Variants in SHANK2 observed in about 807,000 individuals in gnomAD.
SHANK2 encodes the protein SH3 and multiple ankyrin repeat domains 2.
A neutral mutation model predicts 133.7 loss-of-function variants in SHANK2; 43 were observed. The ratio of observed to expected loss-of-function variants is 0.32; its 90% confidence interval spans 0.25 to 0.41. The LOEUF (loss-of-function observed/expected upper bound fraction) is 0.41, where lower values mean the gene tolerates loss of function less well. Ranked by LOEUF, SHANK2 falls within the 10% of genes least tolerant of loss-of-function variation. SHANK2 has a pLI of 1.00. For missense variants in SHANK2, 1,994 were observed against 2,235.8 expected (o/e 0.89, Z 2.18); for synonymous variants, 1,017 against 952.8 (o/e 1.07, Z -1.24).
intron 11 of SHANK2, among the ~76,000 whole-genome samples, chr11:70,829,662 C>T (rs1948698362): frequency 6.6e-6 from 1 of 152,150 alleles, no homozygotes; most frequent in Admixed American, 6.5e-5. Flanking sequence ...TTGAGGAATC[C>T]AGGGAACACC....
intron 17 of SHANK2, among the ~76,000 whole-genome samples, chr11:70,612,408 G>A (rs1554994531): frequency 6.6e-6 from 1 of 152,184 alleles, no homozygotes; most frequent in Admixed American, 6.5e-5. Context: ...GCGAAGGCAT[G>A]AAAGGTTGGG....
chr11:71,144,101 G>A (rs111263938), intron 3 of SHANK2, among the ~76,000 whole-genome samples: 1,631 of 152,322 alleles, frequency 0.011, 31 homozygotes, highest in African/African-American at 0.037. Context: ...AAGAGAGACA[G>A]AGTGGCTCCG....
intron 9 of SHANK2, among the ~76,000 whole-genome samples, chr11:71,070,931 A>C (rs1191052341): frequency 1.3e-5 from 2 of 152,242 alleles, no homozygotes; most frequent in Non-Finnish European, 2.9e-5. Flanking sequence ...CAGCTGAGGC[A>C]TAGGACAGAT....
intron 17 of SHANK2, among the ~76,000 whole-genome samples, chr11:70,609,264 T>C (rs1288313353): frequency 1.3e-5 from 2 of 152,130 alleles, no homozygotes; most frequent in African/African-American, 2.4e-5. Context: ...TGACGGCAGA[T>C]GGTTTCAAAG....
chr11:70,717,414 C>T (rs1945961083), intron 14 of SHANK2, among the ~76,000 whole-genome samples: 1 of 152,224 alleles, frequency 6.6e-6, no homozygotes, highest in African/African-American at 2.4e-5. Flanking sequence ...AAGCCTGTTT[C>T]CTCCCGAATG....
chr11:71,182,701 G>T (rs1953583552), intron 2 of SHANK2, among the ~76,000 whole-genome samples: 1 of 152,122 alleles, frequency 6.6e-6, no homozygotes, highest in African/African-American at 2.4e-5. Context: ...TCCAAAGAAG[G>T]TCTCATTCTC....
At chr11:70,650,583 T>C (rs2061328089) in intron 17 of SHANK2, among the ~76,000 whole-genome samples, 1 of 152,184 alleles carries the variant, frequency 6.6e-6, no homozygotes, top group African/African-American at 2.4e-5. Context: ...TTGTACCTAC[T>C]TCACTAACAA....
chr11:70,634,361 AG>A (rs2061042839), intron 17 of SHANK2: 1 of 152,248 alleles, frequency 6.6e-6, no homozygotes, highest in Admixed American at 6.5e-5. Flanking sequence ...TGGTAACAAA[AG>A]CACAGCCAAT....
chr11:71,139,939 G>A lies in SHANK2; in HGVS notation c.207+7181C>T, dbSNP rs186441744. On this transcript the variant is annotated intron_variant, in intron 3 of 25. Transcript: ENST00000601538. ...TGGGCCCGGACAGCAGCGGAGGAGG[G>A]GTGGCATTGGGGGAGAAAAGGGGCC... Among the ~76,000 whole-genome samples, 13 of 152,314 alleles carry A rather than the reference G, an allele frequency of 8.5e-5. 1 individual carries two copies. Among genetic ancestry groups the A allele is most frequent in the Admixed American group, 7.2e-4 (11 of 15,302 alleles).
At position 70,889,890 on chromosome 11, in the gene SHANK2, G is replaced by A. The variant is rs142115527; in HGVS notation, c.1174+6611C>T. Among the ~76,000 whole-genome samples the A allele has an allele frequency of 7.9e-4, 120 of 152,296 alleles. 1 individual carries two copies. The highest frequency in any genetic ancestry group is 3.5e-3 in the East Asian group (18 of 5,186). On this transcript the variant is annotated intron_variant, in intron 11 of 25. Coordinates refer to ENST00000601538, the MANE Select transcript of SHANK2 (RefSeq NM_012309.5). ...TGGAGAGAGAGCAGAGGAGGCAGAC[G>A]CAGCTGGAAGACTGGGGCCAGGACA...
At chr11:70,636,456 CGT>C (rs1171133200) in intron 17 of SHANK2, among the ~76,000 whole-genome samples, 7 of 149,150 alleles carry the variant, frequency 4.7e-5, no homozygotes, top group African/African-American at 1.7e-4. Flanking sequence ...TGTGTGAGCA[CGT>C]GTGAGCATCT....
chr11:70,882,358 G>A lies in SHANK2; in HGVS notation c.1174+14143C>T, dbSNP rs1949671928. 6.6e-6 allele frequency among the ~76,000 whole-genome samples: 1 copy of A among 152,228 alleles called. No homozygotes were observed. The highest frequency in any genetic ancestry group is 1.5e-5 in the Non-Finnish European group (1 of 68,042). ...GCAGAAAGGCCCCTGGGCTGTGCCT[G>A]TAGCTAGGAGCTGGGAACCAGTTCT... On this transcript the variant is annotated intron_variant, in intron 11 of 25. Coordinates refer to ENST00000601538, the MANE Select transcript of SHANK2 (RefSeq NM_012309.5). The surrounding 1 kb of genome is among the most constrained non-coding windows in gnomAD (Gnocchi z 4.2).
intron 17 of SHANK2, among the ~76,000 whole-genome samples, chr11:70,565,499 G>T (rs1394967951): frequency 6.6e-6 from 1 of 152,164 alleles, no homozygotes; most frequent in Non-Finnish European, 1.5e-5. Context: ...ACCCACCTCG[G>T]CCTCCGAAAG....
At chr11:70,655,516 G>C (rs2061395352) in intron 17 of SHANK2, among the ~76,000 whole-genome samples, 1 of 152,246 alleles carries the variant, frequency 6.6e-6, no homozygotes, top group Non-Finnish European at 1.5e-5. Context: ...TGCAGGGCTT[G>C]TAGGGTTTGG....
chr11:70,534,065 C>T (rs937214223), intron 17 of SHANK2, among the ~76,000 whole-genome samples: 1 of 152,214 alleles, frequency 6.6e-6, no homozygotes, highest in Non-Finnish European at 1.5e-5. Context: ...GAGTAAAGGC[C>T]AGTATCTGCT....
chr11:71,147,098 AAGGG>A lies in SHANK2; in HGVS notation c.207+18_207+21del. 1 of 1,534,996 alleles carries A rather than the reference AAGGG, an allele frequency of 6.5e-7. No homozygotes were observed. The highest frequency in any genetic ancestry group is 1.2e-5 in the South Asian group (1 of 82,786). On this transcript the variant is annotated intron_variant, in intron 3 of 25. Transcript: ENST00000601538. ...GGTGACATTGTCCAGATGTGAACCA[AAGGG>A]CAGACCACGGGGCTCACCGTCTGCT...
At chr11:70,726,392 T>C (rs902782926) in intron 14 of SHANK2, among the ~76,000 whole-genome samples, 1 of 139,606 alleles carries the variant, frequency 7.2e-6, no homozygotes. Flanking sequence ...CAATGCCTTA[T>C]GGAGCTCACA....
rs1555034259 is a variant in SHANK2, at chr11:70,739,366, A to G, written c.1778-40603T>C. 6.6e-6 allele frequency among the ~76,000 whole-genome samples: 1 copy of G among 152,204 alleles called. No individual in the cohort carries two copies. Among genetic ancestry groups the G allele is most frequent in the Non-Finnish European group, 1.5e-5 (1 of 68,020 alleles). ...GAAGGGAGGAGGCCAGGAGGTGGAC[A>G]ATGAAGACAATCGTGTGGAGCAGCT... On this transcript the variant is annotated intron_variant, in intron 14 of 25. Transcript: ENST00000601538. This position sits in a 1 kb window ranked among gnomAD's most constrained non-coding sequence, Gnocchi z 4.3.
chr11:70,848,491 AAAGCT>A (rs782553899), intron 11 of SHANK2, among the ~76,000 whole-genome samples: 39 of 152,204 alleles, frequency 2.6e-4, no homozygotes, highest in Non-Finnish European at 4.9e-4. Flanking sequence ...CAGATCAAAC[AAAGCT>A]AAGGGGCTTT....
Sources: allele counts gnomAD v4.1 joint callset (sites outside exome capture counted in the v4.1 genomes callset), GRCh38; gene constraint gnomAD v4.1.1; non-coding constraint Gnocchi (gnomAD v3.1); transcripts MANE v1.5; gene names NCBI Gene and HGNC (gene_info 2026-07-23, HGNC 2026-07-21).